Variants in URB1 observed in about 807,000 individuals in gnomAD.
URB1 encodes the protein nucleolar pre-ribosomal-associated protein 1.
In URB1, 197 loss-of-function variants were observed where a neutral mutation model predicts 242.3. That is an observed-to-expected ratio of 0.81 (90% CI 0.72 to 0.91). The LOEUF is 0.91. URB1 is among the 40% of genes least tolerant of loss of function. The pLI is 0.00. For synonymous variants in URB1, 1,153 were observed against 1,201.8 expected (o/e 0.96, Z 0.84); for missense variants, 2,721 against 2,860.5 (o/e 0.95, Z 1.11).
chr21:32,345,395 T>C lies in URB1; in HGVS notation c.4049A>G (p.His1350Arg), dbSNP rs1197304368. 2 of 1,550,358 alleles carry C rather than the reference T, an allele frequency of 1.3e-6. No homozygotes were observed. The highest frequency in any genetic ancestry group is 1.7e-6 in the Non-Finnish European group (2 of 1,146,804). ...VLMDRLPSLL[H>R]TPSSHKRWIV... ...ATACCTCTTGTGACTGCTTGGGGTG[T>C]GAAGCAAGCTGGGCAGGCGGTCCAT... Residue 1350 changes from histidine (H) to arginine (R), a missense_variant, in exon 23 of 39, where the codon CAC becomes CGC. His to Arg is a conservative substitution (Grantham distance 29, BLOSUM62 0). Coordinates refer to ENST00000382751, the MANE Select transcript of URB1 (RefSeq NM_014825.3).
rs1256495392 is a variant in URB1, at chr21:32,392,965, A to G, written c.-55T>C. On this transcript the variant is annotated 5_prime_UTR_variant, in exon 1 of 39. Coordinates refer to ENST00000382751, the MANE Select transcript of URB1 (RefSeq NM_014825.3). ...GACACACCTGAGGGGACCCGGCAGG[A>G]GCACTGGCACAGACAGCAGACACGC... 1.4e-6 allele frequency: 2 copies of G among 1,442,804 alleles called. No individual in the cohort carries two copies. The highest frequency in any genetic ancestry group is 1.8e-6 in the Non-Finnish European group (2 of 1,098,554). The allele number at this position is 1,442,804 out of a possible 1,614,324, so 89.4% of individuals were successfully genotyped here.
chr21:32,334,126 G>A, intron 29 of URB1, 37 bp downstream of exon 29: 3 of 1,501,068 alleles, frequency 2.0e-6, no homozygotes, highest in East Asian at 5.0e-5. Flanking sequence ...AGGCTGGGGT[G>A]AAGGGGTGGG....
At position 32,316,780 on chromosome 21, in the gene URB1, G is replaced by T. The variant is rs917914908; in HGVS notation, c.6320C>A (p.Ser2107Ter). The T allele has an allele frequency of 1.9e-6, 3 of 1,549,526 alleles. No homozygotes were observed. The South Asian group carries it at 3.6e-5, about 18-fold the overall frequency. ...ASLAVSWVLR[S>*]VAEHPLSRAE... ...CCTGCTGAGCGGGTGCTCGGCCACC[G>T]ACCGCAGCACCCAACTGACTGCCAG... Residue 2107 changes from serine (S) to a stop codon, truncating the protein, a stop_gained, in exon 38 of 39, where the codon TCG becomes TAG. Transcript: ENST00000382751. LOFTEE classifies it high-confidence loss of function.
In URB1 at chr21:32,316,543, C is replaced by G; in HGVS notation, c.6557G>C (p.Arg2186Pro). 2 of 1,550,790 alleles carry G rather than the reference C, an allele frequency of 1.3e-6. No homozygotes were observed. Among genetic ancestry groups the G allele is most frequent in the East Asian group, 2.4e-5 (1 of 40,908 alleles). ...GGCCGGGTGGAAGGGGCTCCCTGCC[C>G]GGCCCTGGGCAGCCACCAGCTGCAG... ...VMLQLVAAQGRAGSPFHPAME... is the reference protein window; with the variant it reads ...VMLQLVAAQGPAGSPFHPAME... The change falls in exon 38 of 39, where the codon CGG becomes CCG. Residue 2186 changes from arginine (R) to proline (P), a missense_variant. Physicochemically the swap from Arg to Pro is moderately radical, Grantham distance 103. Coordinates refer to ENST00000382751, the MANE Select transcript of URB1 (RefSeq NM_014825.3).
Position 32,372,483 on chromosome 21 carries a change from G to A in URB1, c.1001+24C>T, listed in dbSNP as rs147488278. ...TTCTGAGGAACATACACACCCTGGG[G>A]TCCACAAGAGTGTTATACTTTACCT... On this transcript the variant is annotated intron_variant, in intron 8 of 38. Transcript: ENST00000382751. 1.6e-5 allele frequency: 24 copies of A among 1,548,296 alleles called. No individual in the cohort carries two copies. In the African/African-American group the frequency reaches 3.0e-4, roughly 19 times the overall value.
intron 24 of URB1, 55 bp from the exon 25 acceptor site, chr21:32,341,579 T>C: frequency 1.3e-6 from 2 of 1,496,932 alleles, no homozygotes; most frequent in Admixed American, 4.0e-5. Context: ...TACAAAATAC[T>C]AAAAGGCCCC....
chr21:32,325,088 T>C, intron 31 of URB1, 141 bp downstream of exon 31: 1 of 1,115,130 alleles, frequency 9.0e-7, no homozygotes, highest in East Asian at 2.6e-5. Flanking sequence ...GAACAGACTT[T>C]TGCTCTTCAG....
chr21:32,326,918 G>C (rs1238385855), intron 30 of URB1, among the ~76,000 whole-genome samples: 1 of 152,002 alleles, frequency 6.6e-6, no homozygotes, highest in Non-Finnish European at 1.5e-5. Context: ...AAGGATTAGC[G>C]AACTTAAGAC....
At chr21:32,353,601 A>G (rs1393098970) in intron 18 of URB1, among the ~76,000 whole-genome samples, 2 of 152,336 alleles carry the variant, frequency 1.3e-5, no homozygotes, top group Non-Finnish European at 1.5e-5. Flanking sequence ...AAATCCAACA[A>G]GTATGAAGGA....
chr21:32,359,975 TG>T, intron 13 of URB1, 67 bp from the exon 14 acceptor site: 1 of 1,411,930 alleles, frequency 7.1e-7, no homozygotes, highest in Non-Finnish European at 9.7e-7. Context: ...ATTGCTGCCC[TG>T]GCCAGAAGGA....
In URB1 at chr21:32,352,730, C is replaced by T. The variant is rs371612250; in HGVS notation, c.2593G>A (p.Glu865Lys). ...CTCACCCAGGCCTCTCGGGCTTGCTCCGGGATCCAGAGGCTGTAGTATCTG... is the reference window on the plus strand; with the variant it reads ...CTCACCCAGGCCTCTCGGGCTTGCTTCGGGATCCAGAGGCTGTAGTATCTG... ...FNRYYSLWIP[E>K]QAREAWLLQA... The change falls in exon 19 of 39, where the codon GAG becomes AAG. Residue 865 changes from glutamate to lysine, a missense_variant. Glu to Lys is a moderately conservative substitution (Grantham distance 56). Coordinates refer to ENST00000382751, the MANE Select transcript of URB1 (RefSeq NM_014825.3). 1.9e-6 allele frequency: 3 copies of T among 1,551,450 alleles called. No homozygotes were observed. The African/African-American group carries it at 4.1e-5, about 21-fold the overall frequency.
Position 32,360,071 on chromosome 21 carries a change from C to T in URB1, c.1757-163G>A, listed in dbSNP as rs192081404. 1.1e-3 allele frequency among the ~76,000 whole-genome samples: 167 copies of T among 152,302 alleles called. 1 individual carries two copies. Among genetic ancestry groups the T allele is most frequent in the African/African-American group, 3.7e-3 (155 of 41,570 alleles). ...GTGCTCACCCTCACATGGCACATCT[C>T]GCCTGATGTACCCCCACGCCCTGGT... On this transcript the variant is annotated intron_variant, in intron 13 of 38. Transcript: ENST00000382751.
intron 32 of URB1, among the ~76,000 whole-genome samples, chr21:32,323,825 C>T (rs577057708): frequency 3.3e-5 from 5 of 152,122 alleles, no homozygotes; most frequent in African/African-American, 7.2e-5. Context: ...ATTAGCCAGG[C>T]GTGGTGGCAT....
chr21:32,338,289 G>A (rs995189011), intron 26 of URB1, among the ~76,000 whole-genome samples: 1 of 152,166 alleles, frequency 6.6e-6, no homozygotes, highest in African/African-American at 2.4e-5. Context: ...CCACTGAACT[G>A]TCAATGGGCA....
intron 1 of URB1, among the ~76,000 whole-genome samples, chr21:32,390,952 G>C (rs1393943729): frequency 6.6e-6 from 1 of 152,168 alleles, no homozygotes; most frequent in African/African-American, 2.4e-5. Flanking sequence ...CAATAGCAAA[G>C]ACTTGGAACC....
chr21:32,319,769 A>T (rs1015582011), intron 35 of URB1, among the ~76,000 whole-genome samples: 1 of 152,180 alleles, frequency 6.6e-6, no homozygotes, highest in Non-Finnish European at 1.5e-5. Context: ...CCAAATACAC[A>T]TTCTAATTTT....
At chr21:32,365,002 T>G (rs1019502011) in intron 10 of URB1, among the ~76,000 whole-genome samples, 1 of 152,244 alleles carries the variant, frequency 6.6e-6, no homozygotes, top group African/African-American at 2.4e-5. Flanking sequence ...ACTCCTTCCT[T>G]GGAGCCACTC....
chr21:32,391,082 C>G (rs569284756), intron 1 of URB1, among the ~76,000 whole-genome samples: 1 of 152,112 alleles, frequency 6.6e-6, no homozygotes, highest in Non-Finnish European at 1.5e-5. Flanking sequence ...ATGGATGAAG[C>G]TGGAAACCAT....
At position 32,378,453 on chromosome 21, in the gene URB1, T is replaced by C; in HGVS notation, c.656A>G (p.Glu219Gly). The C allele has an allele frequency of 1.9e-6, 3 of 1,551,572 alleles. 1 individual carries two copies. Among genetic ancestry groups the C allele is most frequent in the Middle Eastern group, 3.3e-4 (2 of 5,990 alleles). Residue 219 changes from glutamate to glycine, a missense_variant, in exon 5 of 39, where the codon GAA becomes GGA. Physicochemically the swap from Glu to Gly is moderately conservative, Grantham distance 98 (BLOSUM62 -2). Coordinates refer to ENST00000382751, the MANE Select transcript of URB1 (RefSeq NM_014825.3). The stretch of plus-strand genomic sequence containing the variant: ...CAAGGGAGTACACCTACCTTTCACT[T>C]CCAACACCTGCACTATAGTGCTGTC... ...GDDSTIVQVL[E>G]VKEFIPCIFS...
Sources: allele counts gnomAD v4.1 joint callset (sites outside exome capture counted in the v4.1 genomes callset), GRCh38; gene constraint gnomAD v4.1.1; transcripts MANE v1.5; gene names NCBI Gene and HGNC (gene_info 2026-07-23, HGNC 2026-07-21).